The following LRRC4C variants were observed in gnomAD, a reference collection of about 807,000 sequenced individuals.
The protein encoded by LRRC4C is leucine-rich repeat-containing protein 4C.
LRRC4C carries 5 observed loss-of-function variants against 33.6 expected under a neutral mutation model. The observed-to-expected ratio is 0.15, with a 90% CI of 0.08 to 0.31. LRRC4C has a LOEUF of 0.31. LRRC4C is among the 10% of genes least tolerant of loss of function. The pLI, the probability that LRRC4C is intolerant of heterozygous loss-of-function variation, is 1.00. For synonymous variants in LRRC4C, 329 were observed against 302.0 expected, an observed-to-expected ratio of 1.09 and a Z score of -0.93; for missense variants, 560 against 796.7, an observed-to-expected ratio of 0.70 and a Z score of 3.58.
intron 6 of LRRC4C, among the ~76,000 whole-genome samples, chr11:40,138,775 G>A (rs1857160738): frequency 6.6e-6 from 1 of 152,186 alleles, no homozygotes; most frequent in Admixed American, 6.5e-5. Context: ...CTCTTGGAAT[G>A]GGATCAGCAC....
intron 1 of LRRC4C, among the ~76,000 whole-genome samples, chr11:41,179,054 C>T (rs1448767008): frequency 6.6e-6 from 1 of 151,954 alleles, no homozygotes; most frequent in Non-Finnish European, 1.5e-5. Context: ...CCTGTATTGG[C>T]AGATTTGGAT....
At chr11:41,081,904 G>T (rs1050727516) in intron 1 of LRRC4C, among the ~76,000 whole-genome samples, 1 of 152,118 alleles carries the variant, frequency 6.6e-6, no homozygotes, top group Admixed American at 6.5e-5. Context: ...GTTATTTATG[G>T]CTGCTCTGGG....
chr11:40,209,067 G>A (rs1462858429), intron 5 of LRRC4C, among the ~76,000 whole-genome samples: 1 of 151,616 alleles, frequency 6.6e-6, no homozygotes, highest in Non-Finnish European at 1.5e-5. Flanking sequence ...CCTGTATCCC[G>A]GCAATTTACA....
At chr11:40,202,012 C>A (rs920972495) in intron 5 of LRRC4C, among the ~76,000 whole-genome samples, 2 of 152,144 alleles carry the variant, frequency 1.3e-5, no homozygotes, top group Admixed American at 1.3e-4. Context: ...TCACAAAGAT[C>A]TTTGTTCAAA....
intron 5 of LRRC4C, among the ~76,000 whole-genome samples, chr11:40,212,663 T>C (rs947859084): frequency 2.0e-5 from 3 of 152,120 alleles, no homozygotes; most frequent in African/African-American, 7.2e-5. Flanking sequence ...TCTTTACCTA[T>C]ATTAAATTAT....
chr11:41,259,374 T>C (rs549470950), intron 1 of LRRC4C, among the ~76,000 whole-genome samples: 7 of 152,224 alleles, frequency 4.6e-5, no homozygotes, highest in East Asian at 3.9e-4. Flanking sequence ...ATTATTCTTA[T>C]AAAATTTACA....
At chr11:41,295,605 T>C (rs1001790615) in intron 1 of LRRC4C, among the ~76,000 whole-genome samples, 11 of 152,128 alleles carry the variant, frequency 7.2e-5, no homozygotes, top group Non-Finnish European at 1.2e-4. Flanking sequence ...AAACATTTTT[T>C]TTTTTTTTAA....
intron 2 of LRRC4C, among the ~76,000 whole-genome samples, chr11:40,780,753 T>A (rs558070355): frequency 6.6e-6 from 1 of 151,390 alleles, no homozygotes; most frequent in Admixed American, 6.6e-5. Flanking sequence ...ACTCCATGAA[T>A]TCAGAGAGCT....
At chr11:40,627,109 T>A (rs1265478523) in intron 3 of LRRC4C, among the ~76,000 whole-genome samples, 2 of 131,712 alleles carry the variant, frequency 1.5e-5, no homozygotes, top group African/African-American at 5.9e-5. Context: ...GTGGGGTGGG[T>A]CAGGTACTAG....
intron 5 of LRRC4C, among the ~76,000 whole-genome samples, chr11:40,233,725 C>T (rs764329756): frequency 6.6e-6 from 1 of 152,024 alleles, no homozygotes; most frequent in Non-Finnish European, 1.5e-5. Context: ...ATTTAGTATT[C>T]ATTTTTAAAT....
At chr11:41,110,912 A>T (rs1941791142) in intron 1 of LRRC4C, among the ~76,000 whole-genome samples, 1 of 152,042 alleles carries the variant, frequency 6.6e-6, no homozygotes, top group African/African-American at 2.4e-5. Context: ...GATCTTGTTA[A>T]CACATATATT....
chr11:40,255,812 T>C (rs1244581355), intron 4 of LRRC4C, among the ~76,000 whole-genome samples: 2 of 152,326 alleles, frequency 1.3e-5, no homozygotes, highest in East Asian at 3.9e-4. Flanking sequence ...CTCATTTGTA[T>C]AAAGGCCATT....
chr11:40,628,982 C>T (rs1054622480), intron 3 of LRRC4C, among the ~76,000 whole-genome samples: 2 of 152,184 alleles, frequency 1.3e-5, no homozygotes, highest in East Asian at 3.9e-4. Context: ...TACTTGTTAA[C>T]TAAACAAACG....
intron 2 of LRRC4C, among the ~76,000 whole-genome samples, chr11:40,889,838 T>C (rs1184346211): frequency 6.6e-6 from 1 of 152,144 alleles, no homozygotes; most frequent in Non-Finnish European, 1.5e-5. Flanking sequence ...GGCATAATAA[T>C]AAGATCTACT....
intron 1 of LRRC4C, among the ~76,000 whole-genome samples, chr11:41,258,571 C>T (rs56710834): frequency 1.3e-5 from 2 of 151,734 alleles, no homozygotes; most frequent in African/African-American, 4.8e-5. Context: ...TTTTCCTTTA[C>T]AGTCATGTGT....
chr11:41,175,664 GA>G (rs1453467899), intron 1 of LRRC4C, among the ~76,000 whole-genome samples: 6 of 152,130 alleles, frequency 3.9e-5, no homozygotes, highest in Non-Finnish European at 8.8e-5. Flanking sequence ...GAAGAAAAGA[GA>G]AGCAGACTAT....
chr11:40,727,677 G>C (rs188776271), intron 2 of LRRC4C, among the ~76,000 whole-genome samples: 1 of 152,068 alleles, frequency 6.6e-6, no homozygotes, highest in East Asian at 1.9e-4. Context: ...TCGATATCCC[G>C]AACCTATAAG....
chr11:40,565,671 G>A (rs1281317677), intron 3 of LRRC4C, among the ~76,000 whole-genome samples: 1 of 152,106 alleles, frequency 6.6e-6, no homozygotes, highest in East Asian at 1.9e-4. Flanking sequence ...CTCTCCCCAT[G>A]TGCCTTCAGA....
intron 3 of LRRC4C, among the ~76,000 whole-genome samples, chr11:40,486,798 T>C (rs1350404170): frequency 1.3e-5 from 2 of 152,068 alleles, no homozygotes; most frequent in Non-Finnish European, 2.9e-5. Flanking sequence ...TGTTTGTACA[T>C]TTTCATAATA....
Sources: allele counts gnomAD v4.1 joint callset (sites outside exome capture counted in the v4.1 genomes callset), GRCh38; gene constraint gnomAD v4.1.1; transcripts MANE v1.5; gene names NCBI Gene and HGNC (gene_info 2026-07-23, HGNC 2026-07-21).